The following ST8SIA5 variants were observed in gnomAD, a reference collection of about 807,000 sequenced individuals.
ST8SIA5 encodes alpha-2,8-sialyltransferase 8E.
ST8SIA5 carries 24 observed loss-of-function variants against 40.2 expected under a neutral mutation model. That is an observed-to-expected ratio of 0.60 (90% CI 0.43 to 0.84). The LOEUF (loss-of-function observed/expected upper bound fraction) is 0.84, where lower values mean the gene tolerates loss of function less well. ST8SIA5 is among the 40% of genes least tolerant of loss of function. The probability of loss-of-function intolerance (pLI) is 0.00; values close to 1 mark genes in which losing one functional copy is unlikely to be tolerated. For missense variants in ST8SIA5, 465 were observed against 498.5 expected (o/e 0.93, Z 0.64); for synonymous variants, 198 against 201.8 (o/e 0.98, Z 0.16).
intron 1 of ST8SIA5, among the ~76,000 whole-genome samples, chr18:46,734,155 G>A (rs181277946): frequency 2.1e-4 from 32 of 152,118 alleles, no homozygotes; most frequent in Non-Finnish European, 3.2e-4. Flanking sequence ...ATGAACGGGC[G>A]CAATGACCAG....
intron 1 of ST8SIA5, among the ~76,000 whole-genome samples, chr18:46,721,034 G>A (rs1362946663): frequency 1.3e-5 from 2 of 152,084 alleles, no homozygotes; most frequent in African/African-American, 2.4e-5. Context: ...CACACTTGCT[G>A]GCTGATATCC....
chr18:46,696,547 G>A (rs1234819971), intron 2 of ST8SIA5, among the ~76,000 whole-genome samples: 2 of 152,300 alleles, frequency 1.3e-5, no homozygotes, highest in South Asian at 4.1e-4. Flanking sequence ...TCCCAATCTT[G>A]CAATGTAACC....
At chr18:46,738,269 G>A (rs1429884995) in intron 1 of ST8SIA5, among the ~76,000 whole-genome samples, 2 of 150,814 alleles carry the variant, frequency 1.3e-5, no homozygotes, top group African/African-American at 2.4e-5. Context: ...AAAAAAAGGT[G>A]GGTGGGGCAA....
chr18:46,754,220 A>G (rs1261362590), intron 1 of ST8SIA5, among the ~76,000 whole-genome samples: 1 of 152,000 alleles, frequency 6.6e-6, no homozygotes, highest in Non-Finnish European at 1.5e-5. Context: ...GGTGTGGGAG[A>G]GACGGGAGGA....
intron 2 of ST8SIA5, among the ~76,000 whole-genome samples, chr18:46,698,530 A>C (rs935040195): frequency 6.6e-6 from 1 of 152,172 alleles, no homozygotes; most frequent in Admixed American, 6.5e-5. Context: ...CCAACCACCC[A>C]CCACGCCAAC....
intron 4 of ST8SIA5, among the ~76,000 whole-genome samples, chr18:46,687,017 A>G (rs2039455338): frequency 1.3e-5 from 2 of 152,146 alleles, no homozygotes; most frequent in South Asian, 4.1e-4. Flanking sequence ...TTACAAAGAG[A>G]TACTTACATT....
chr18:46,725,967 AAAAAAATATATATATATATAT>A (rs1377442685), intron 1 of ST8SIA5, among the ~76,000 whole-genome samples: 1 of 45,780 alleles, frequency 2.2e-5, no homozygotes, highest in African/African-American at 1.2e-4. Context: ...CTTAAAAAAA[AAAAAAATATATATATATATAT>A]ATATATATAT....
Position 46,725,975 on chromosome 18 carries a change from ATATATATATATATAT to A in ST8SIA5, c.132-21326_132-21312del, listed in dbSNP as rs1568271255. On this transcript the variant is annotated intron_variant, in intron 1 of 6. Transcript: ENST00000315087. ...ATCTCTACTTAAAAAAAAAAAAAAT[ATATATATATATATAT>A]ATATATATATATATATATATCCTGG... is the stretch of plus-strand genomic sequence containing the variant. Among the ~76,000 whole-genome samples the A allele has an allele frequency of 1.6e-3, 44 of 27,108 alleles. No individual in the cohort carries two copies. The East Asian group carries it at 0.026, about 16-fold the overall frequency. The allele number at this position is 27,108 out of a possible 152,430, so 17.8% of individuals were successfully genotyped here.
At chr18:46,698,380 C>A (rs2144491424) in intron 2 of ST8SIA5, among the ~76,000 whole-genome samples, 1 of 150,992 alleles carries the variant, frequency 6.6e-6, no homozygotes, top group African/African-American at 2.4e-5. Context: ...CCAATCAAAC[C>A]AACAACCCAA....
intron 6 of ST8SIA5, among the ~76,000 whole-genome samples, chr18:46,681,332 C>T (rs1392576734): frequency 6.6e-6 from 1 of 152,170 alleles, no homozygotes; most frequent in Admixed American, 6.5e-5. Flanking sequence ...ACTTTGCTGT[C>T]TCTTCCCGCC....
intron 2 of ST8SIA5, among the ~76,000 whole-genome samples, chr18:46,703,389 C>A (rs964517522): frequency 1.3e-5 from 2 of 152,138 alleles, no homozygotes; most frequent in Non-Finnish European, 2.9e-5. Context: ...ACCTTGTGAT[C>A]CTGGGCTATC....
At chr18:46,682,280 C>A (rs2039405471) in intron 5 of ST8SIA5, among the ~76,000 whole-genome samples, 1 of 152,224 alleles carries the variant, frequency 6.6e-6, no homozygotes, top group Non-Finnish European at 1.5e-5. Flanking sequence ...GTTCCAGACA[C>A]ATGGGGCAGA....
chr18:46,680,590 G>A (rs2039384667), intron 6 of ST8SIA5, 80 bp from the exon 7 acceptor site: 1 of 1,420,848 alleles, frequency 7.0e-7, no homozygotes, highest in Admixed American at 2.4e-5. Flanking sequence ...TTGCACCCTG[G>A]GGCTTTGCAA....
In ST8SIA5 at chr18:46,669,553, A is replaced by G. The variant is rs1004717002; in HGVS notation, c.*10489T>C. 2 of 152,240 alleles carry G rather than the reference A, an allele frequency of 1.3e-5. No homozygotes were observed. Among genetic ancestry groups the G allele is most frequent in the African/African-American group, 4.8e-5 (2 of 41,436 alleles). The allele number at this position is 152,240 out of a possible 1,614,324, so 9.4% of individuals were successfully genotyped here. Reference sequence around the variant, plus strand: ...AGGCCTGAGTCACTGCAGAGCCAGCACACCCCTAGCTGAAGTCCTGACCCT... The same window carrying G: ...AGGCCTGAGTCACTGCAGAGCCAGCGCACCCCTAGCTGAAGTCCTGACCCT... On this transcript the variant is annotated 3_prime_UTR_variant, in exon 7 of 7. Transcript: ENST00000315087.
chr18:46,750,466 C>G (rs2040185379), intron 1 of ST8SIA5, among the ~76,000 whole-genome samples: 1 of 152,130 alleles, frequency 6.6e-6, no homozygotes, highest in Non-Finnish European at 1.5e-5. Flanking sequence ...TTTTTCTTCT[C>G]AGCATTGACA....
At chr18:46,690,895 C>T (rs1404107643) in intron 3 of ST8SIA5, among the ~76,000 whole-genome samples, 9 of 152,160 alleles carry the variant, frequency 5.9e-5, no homozygotes, top group African/African-American at 1.7e-4. Context: ...GGATTATAGA[C>T]GTGAGCCACC....
At chr18:46,698,358 C>A (rs2039577864) in intron 2 of ST8SIA5, among the ~76,000 whole-genome samples, 3 of 151,838 alleles carry the variant, frequency 2.0e-5, no homozygotes, top group Admixed American at 6.6e-5. Flanking sequence ...ATCAACCCAA[C>A]AATCCACAAC....
At chr18:46,706,630 C>T (rs1274262786) in intron 1 of ST8SIA5, among the ~76,000 whole-genome samples, 1 of 152,182 alleles carries the variant, frequency 6.6e-6, no homozygotes, top group Non-Finnish European at 1.5e-5. Context: ...TCTTTGTTAT[C>T]TCTATATCTT....
At chr18:46,749,814 T>C (rs1209740696) in intron 1 of ST8SIA5, among the ~76,000 whole-genome samples, 1 of 152,100 alleles carries the variant, frequency 6.6e-6, no homozygotes, top group Non-Finnish European at 1.5e-5. Flanking sequence ...CCCAAGGCAA[T>C]GGTATTTAGA....
Sources: allele counts gnomAD v4.1 joint callset (sites outside exome capture counted in the v4.1 genomes callset), GRCh38; gene constraint gnomAD v4.1.1; transcripts MANE v1.5; gene names NCBI Gene and HGNC (gene_info 2026-07-23, HGNC 2026-07-21).